Variants in TUBGCP3 observed in about 807,000 individuals in gnomAD.
The protein encoded by TUBGCP3 is tubulin gamma complex component 3.
TUBGCP3 carries 50 observed loss-of-function variants against 123.1 expected under a neutral mutation model. The ratio of observed to expected loss-of-function variants is 0.41; its 90% CI spans 0.32 to 0.51. The LOEUF is 0.51. Ranked by LOEUF, TUBGCP3 falls within the 20% of genes least tolerant of loss-of-function variation. The pLI is 0.36. For synonymous variants in TUBGCP3, 405 were observed against 413.9 expected, an observed-to-expected ratio of 0.98 and a Z score of 0.26; for missense variants, 882 against 1,127.0, an observed-to-expected ratio of 0.78 and a Z score of 3.11.
At chr13:112,559,456 T>C in intron 3 of TUBGCP3, 57 bp from the exon 4 acceptor site, 2 of 1,378,840 alleles carry the variant, frequency 1.5e-6, no homozygotes, top group Non-Finnish European at 2.0e-6. Flanking sequence ...TCCAGCCTTA[T>C]TTTCCTCTTT....
intron 17 of TUBGCP3, among the ~76,000 whole-genome samples, chr13:112,507,155 A>G (rs1427091195): frequency 6.6e-6 from 1 of 152,250 alleles, no homozygotes; most frequent in Non-Finnish European, 1.5e-5. Flanking sequence ...ATATTATCAC[A>G]GAACTCTGGT....
At chr13:112,523,725 CACAGAA>C (rs1876814835) in intron 13 of TUBGCP3, among the ~76,000 whole-genome samples, 1 of 152,212 alleles carries the variant, frequency 6.6e-6, no homozygotes, top group East Asian at 1.9e-4. Context: ...CCTATGAAGA[CACAGAA>C]CCCAGAGCCT....
chr13:112,503,979 G>A, intron 19 of TUBGCP3, 53 bp downstream of exon 19: 2 of 1,553,896 alleles, frequency 1.3e-6, no homozygotes, highest in Non-Finnish European at 1.7e-6. Flanking sequence ...AGGAACCCAA[G>A]AAAAGAAGAT....
chr13:112,539,684 T>TA (rs1489585188), intron 11 of TUBGCP3, among the ~76,000 whole-genome samples: 8 of 151,770 alleles, frequency 5.3e-5, no homozygotes, highest in South Asian at 2.1e-4. Flanking sequence ...ACCTTTAAAA[T>TA]AAAAAAAAGA....
At chr13:112,594,684 T>C in the TUBGCP3 span, among the ~76,000 whole-genome samples, 2 of 152,242 alleles carry the variant, frequency 1.3e-5, no homozygotes, top group Non-Finnish European at 2.9e-5. Flanking sequence ...TTTCCTCTTT[T>C]CTAATGTAAA....
Position 112,508,463 on chromosome 13 carries a change from A to G in TUBGCP3, c.2087-3749T>C, listed in dbSNP as rs533026998. ...GTTAGTTGAAAAGGTATCGTGCACC[A>G]CGACAGACAGGTCTACAGCCCCCAC... On this transcript the variant is annotated intron_variant, in intron 17 of 21. Coordinates refer to ENST00000261965, the MANE Select transcript of TUBGCP3 (RefSeq NM_006322.6). This position sits in a 1 kb window ranked among gnomAD's most constrained non-coding sequence, Gnocchi z 4.2. Among the ~76,000 whole-genome samples the G allele has an allele frequency of 2.6e-5, 4 of 152,242 alleles. No individual in the cohort carries two copies.
intron 17 of TUBGCP3, among the ~76,000 whole-genome samples, chr13:112,505,597 T>C (rs1456517039): frequency 6.6e-6 from 1 of 152,244 alleles, no homozygotes; most frequent in East Asian, 1.9e-4. Flanking sequence ...AAAATACTCT[T>C]TCTGTAAGTT....
Position 112,545,794 on chromosome 13 carries a change from G to C in TUBGCP3, c.1240C>G (p.Leu414Val), listed in dbSNP as rs756919675. The C allele has an allele frequency of 6.2e-7, 1 of 1,614,206 alleles. No individual in the cohort carries two copies. Among genetic ancestry groups the C allele is most frequent in the Non-Finnish European group, 8.5e-7 (1 of 1,180,040 alleles). Residue 414 changes from leucine to valine, a missense_variant, in exon 11 of 22, where the codon CTG becomes GTG. Physicochemically the swap from Leu to Val is conservative, Grantham distance 32 (BLOSUM62 1). Coordinates refer to ENST00000261965, the MANE Select transcript of TUBGCP3 (RefSeq NM_006322.6). The surrounding 1 kb of genome is among the most constrained non-coding windows in gnomAD (Gnocchi z 4.1). The stretch of plus-strand genomic sequence containing the variant: ...ACGAGGCTGAGGATGTGCTGCACCA[G>C]AGACCGCATGTACGGGTCTCCTGTT... Reference protein sequence around the residue: ...TKTGDPYMRSLVQHILSLVSH... With the variant: ...TKTGDPYMRSVVQHILSLVSH...
the TUBGCP3 span, among the ~76,000 whole-genome samples, chr13:112,595,201 A>ATT: frequency 6.2e-4 from 91 of 145,894 alleles, 1 homozygote; most frequent in African/African-American, 2.0e-3. Context: ...CAATTAATAC[A>ATT]TTTTTTTTTT....
intron 11 of TUBGCP3, among the ~76,000 whole-genome samples, chr13:112,542,166 TA>T (rs1209232223): frequency 3.3e-5 from 5 of 152,136 alleles, no homozygotes; most frequent in Non-Finnish European, 7.4e-5. Context: ...GTTCTGAAAA[TA>T]AAACATTGAT....
At position 112,525,177 on chromosome 13, in the gene TUBGCP3, C is replaced by T. The variant is rs58867580; in HGVS notation, c.1555+1765G>A. On this transcript the variant is annotated intron_variant, in intron 13 of 21. Coordinates refer to ENST00000261965, the MANE Select transcript of TUBGCP3 (RefSeq NM_006322.6). ...ATTAAATAATAACTTTTTATTTTCA[C>T]TACAATCTTTAGATAAGTCTAATTC... Among the ~76,000 whole-genome samples the T allele has an allele frequency of 5.9e-3, 905 of 152,298 alleles. 6 individuals carry two copies. The highest frequency in any genetic ancestry group is 0.021 in the African/African-American group (875 of 41,548).
intron 10 of TUBGCP3, chr13:112,546,156 A>G (rs566826190): frequency 3.1e-6 from 1 of 317,622 alleles, no homozygotes; most frequent in African/African-American, 2.1e-5. Context: ...CGGCTACACA[A>G]TCTAAAGTTC....
rs754960767 is a variant in TUBGCP3 at position 112,527,073 on chromosome 13, ATTACT to A, written c.1447-28_1447-24del. On this transcript the variant is annotated intron_variant, in intron 12 of 21. Coordinates refer to ENST00000261965, the MANE Select transcript of TUBGCP3 (RefSeq NM_006322.6). ...GACCTAAAAAGAAAAACATTCTATG[ATTACT>A]TTTATGTAAATTTAAAACGACTGCC... 3.6e-5 allele frequency: 56 copies of A among 1,560,752 alleles called. No homozygotes were observed. In the East Asian group the frequency reaches 3.8e-4, roughly 11 times the overall value.
intron 3 of TUBGCP3, among the ~76,000 whole-genome samples, chr13:112,563,071 G>A (rs977635358): frequency 1.3e-5 from 2 of 152,088 alleles, no homozygotes; most frequent in African/African-American, 2.4e-5. Context: ...CTCCCCCTTC[G>A]GACTTTCCTG....
chr13:112,489,726 T>C (rs1879944945), intron 20 of TUBGCP3, 29 bp from the exon 21 acceptor site: 1 of 1,570,658 alleles, frequency 6.4e-7, no homozygotes, highest in Non-Finnish European at 8.8e-7. Context: ...CAAATGTCAG[T>C]AAAATCACGA....
chr13:112,486,258 A>G (rs1208171166), intron 21 of TUBGCP3, 107 bp from the exon 22 acceptor site: 4 of 1,366,618 alleles, frequency 2.9e-6, no homozygotes, highest in Admixed American at 4.6e-5. Flanking sequence ...TTCCTTCCAG[A>G]TCAACAGGCC....
At chr13:112,588,255 C>T (rs1882778017), upstream of TUBGCP3, 3 of 300,166 alleles carry the variant, frequency 1.0e-5, no homozygotes, top group Non-Finnish European at 1.2e-5. Flanking sequence ...CTGCTGCTGC[C>T]CGGTCGGCCG....
intron 1 of TUBGCP3, among the ~76,000 whole-genome samples, chr13:112,584,597 T>A (rs1402126233): frequency 2.6e-5 from 4 of 152,236 alleles, no homozygotes; most frequent in Non-Finnish European, 5.9e-5. Context: ...CTTCTGATAG[T>A]GGCTTGTAGG....
intron 17 of TUBGCP3, among the ~76,000 whole-genome samples, chr13:112,506,502 C>CTGGG (rs1881317765): frequency 6.6e-6 from 1 of 152,202 alleles, no homozygotes; most frequent in Non-Finnish European, 1.5e-5. Flanking sequence ...AGCTCTAAGA[C>CTGGG]CCTCAGAAGA....
Sources: allele counts gnomAD v4.1 joint callset (sites outside exome capture counted in the v4.1 genomes callset), GRCh38; gene constraint gnomAD v4.1.1; non-coding constraint Gnocchi (gnomAD v3.1); transcripts MANE v1.5; gene names NCBI Gene and HGNC (gene_info 2026-07-23, HGNC 2026-07-21).